The following KCNK13 variants were observed in gnomAD, a reference collection of about 807,000 sequenced individuals.
KCNK13 encodes potassium channel subfamily K member 13.
In KCNK13, 12 loss-of-function variants were observed where a neutral mutation model predicts 23.4. The observed-to-expected ratio is 0.51, with a 90% CI of 0.33 to 0.83. KCNK13 has a LOEUF of 0.83. KCNK13 is among the 40% of genes least tolerant of loss of function. The pLI is 0.02. For missense variants in KCNK13, 463 were observed against 556.3 expected (o/e 0.83, Z 1.69); for synonymous variants, 231 against 229.5 (o/e 1.01, Z -0.06).
chr14:90,133,741 T>C (rs908185245), intron 1 of KCNK13, among the ~76,000 whole-genome samples: 7 of 152,148 alleles, frequency 4.6e-5, no homozygotes, highest in African/African-American at 1.7e-4. Flanking sequence ...TGAGAAACTC[T>C]TCCTGCTCCT....
intron 1 of KCNK13, among the ~76,000 whole-genome samples, chr14:90,114,819 G>A (rs1399771933): frequency 6.6e-6 from 1 of 152,210 alleles, no homozygotes; most frequent in Non-Finnish European, 1.5e-5. Context: ...GGCAGTGGCT[G>A]TCCTGAGGCA....
chr14:90,156,950 G>C (rs564672196), intron 1 of KCNK13, among the ~76,000 whole-genome samples: 1 of 152,158 alleles, frequency 6.6e-6, no homozygotes, highest in Non-Finnish European at 1.5e-5. Context: ...TTCTCGTGTT[G>C]CATAAATGCA....
intron 1 of KCNK13, among the ~76,000 whole-genome samples, chr14:90,178,843 A>G (rs536687833): frequency 6.6e-6 from 1 of 152,146 alleles, no homozygotes; most frequent in East Asian, 1.9e-4. Flanking sequence ...AAGTATTTCT[A>G]GAAAAAAAAA....
intron 1 of KCNK13, among the ~76,000 whole-genome samples, chr14:90,157,702 C>CTTTTCTTTT (rs1890209579): frequency 1.0e-5 from 1 of 100,348 alleles, no homozygotes; most frequent in African/African-American, 4.0e-5. Context: ...CTTGGCTTTC[C>CTTTTCTTTT]TTTTTTTTTT....
At position 90,110,383 on chromosome 14, in the gene KCNK13, G is replaced by A. The variant is rs8020883; in HGVS notation, c.334+47844G>A. On this transcript the variant is annotated intron_variant, in intron 1 of 1. Coordinates refer to ENST00000282146, the MANE Select transcript of KCNK13 (RefSeq NM_022054.4). ...AAAAATTAGCAAGACGTGGTGGCAG[G>A]CACCTGTAATCCCAGCTACTCGGGA... is the stretch of plus-strand genomic sequence containing the variant. 9.1e-3 allele frequency among the ~76,000 whole-genome samples: 1,378 copies of A among 151,828 alleles called. 14 individuals carry two copies. Among genetic ancestry groups the A allele is most frequent in the Middle Eastern group, 0.041 (12 of 294 alleles).
intron 1 of KCNK13, among the ~76,000 whole-genome samples, chr14:90,141,799 G>GGGC (rs1162765735): frequency 6.7e-6 from 1 of 148,770 alleles, no homozygotes; most frequent in Non-Finnish European, 1.5e-5. Flanking sequence ...TTTTTTGGGG[G>GGGC]GGGGGACGGA....
rs57193006 is a variant in KCNK13 at position 90,143,184 on chromosome 14, TC to T, written c.335-40926del. Among the ~76,000 whole-genome samples, 308 of 42,156 alleles carry T rather than the reference TC, an allele frequency of 7.3e-3. 5 individuals are homozygous for T. Among genetic ancestry groups the T allele is most frequent in the East Asian group, 0.071 (44 of 618 alleles). 27.7% of individuals were successfully genotyped at this position (42,156 alleles called of 152,430 possible). A position where few individuals can be genotyped will look rare whatever the true frequency, so the allele number is the denominator to read the frequency against. On this transcript the variant is annotated intron_variant, in intron 1 of 1. Transcript: ENST00000282146. ...CTTTCTTTCTTTCTTTCTTTTCTTT[TC>T]TTTTCTTTCTTTCTTTTCTTTCTTT...
intron 1 of KCNK13, among the ~76,000 whole-genome samples, chr14:90,088,983 A>G (rs757729720): frequency 8.5e-5 from 13 of 152,186 alleles, no homozygotes; most frequent in Non-Finnish European, 1.3e-4. Context: ...GTGGAACGTA[A>G]GTCCATTAAA....
At chr14:90,130,655 A>G (rs768690798) in intron 1 of KCNK13, among the ~76,000 whole-genome samples, 2 of 151,966 alleles carry the variant, frequency 1.3e-5, no homozygotes, top group Non-Finnish European at 2.9e-5. Flanking sequence ...TCTACTAACA[A>G]TACAAAAAAT....
Position 90,150,159 on chromosome 14 carries a change from G to A in KCNK13, c.335-33952G>A, listed in dbSNP as rs144218736. Among the ~76,000 whole-genome samples the A allele has an allele frequency of 3.8e-3, 583 of 152,296 alleles. 13 individuals are homozygous for A. The highest frequency in any genetic ancestry group is 0.032 in the Admixed American group (485 of 15,298). The stretch of plus-strand genomic sequence containing the variant: ...TGAAGTACGCTGTAGAAATTTCCCA[G>A]CCAAAGAAGGGAGTGGAAAACTGAA... On this transcript the variant is annotated intron_variant, in intron 1 of 1. Transcript: ENST00000282146.
intron 1 of KCNK13, among the ~76,000 whole-genome samples, chr14:90,157,702 C>CTTTTTTTTT (rs34114368): frequency 0.26 from 25,698 of 99,014 alleles, 4,427 homozygotes; most frequent in East Asian, 0.59. Flanking sequence ...CTTGGCTTTC[C>CTTTTTTTTT]TTTTTTTTTT....
At chr14:90,139,370 CA>C (rs1286234984) in intron 1 of KCNK13, among the ~76,000 whole-genome samples, 2 of 151,980 alleles carry the variant, frequency 1.3e-5, no homozygotes, top group African/African-American at 4.8e-5. Flanking sequence ...GAGAGAATAG[CA>C]GATGCAAAGG....
intron 1 of KCNK13, among the ~76,000 whole-genome samples, chr14:90,168,914 C>A (rs1203123304): frequency 6.6e-6 from 1 of 152,176 alleles, no homozygotes; most frequent in Non-Finnish European, 1.5e-5. Flanking sequence ...GAGTAAGTCT[C>A]ATGAGATCTG....
chr14:90,063,611 C>T (rs1488287846), intron 1 of KCNK13, among the ~76,000 whole-genome samples: 2 of 152,076 alleles, frequency 1.3e-5, no homozygotes, highest in Non-Finnish European at 2.9e-5. Context: ...TGCAAACAGC[C>T]CAGGGTGCAT....
intron 1 of KCNK13, among the ~76,000 whole-genome samples, chr14:90,161,498 G>A (rs985748217): frequency 1.3e-5 from 2 of 152,178 alleles, no homozygotes; most frequent in Non-Finnish European, 2.9e-5. Context: ...CCAAAAATAT[G>A]TATGGTGGGA....
intron 1 of KCNK13, among the ~76,000 whole-genome samples, chr14:90,182,318 C>G (rs1274142897): frequency 6.6e-6 from 1 of 152,130 alleles, no homozygotes; most frequent in African/African-American, 2.4e-5. Flanking sequence ...CTTGAGCAGA[C>G]CAGCAGGTCA....
At chr14:90,106,905 A>G (rs188348128) in intron 1 of KCNK13, among the ~76,000 whole-genome samples, 2 of 152,018 alleles carry the variant, frequency 1.3e-5, no homozygotes, top group Non-Finnish European at 2.9e-5. Flanking sequence ...GCCTAGTCCA[A>G]GCTACTCCAG....
chr14:90,162,902 T>C (rs537874350), intron 1 of KCNK13, among the ~76,000 whole-genome samples: 1 of 152,282 alleles, frequency 6.6e-6, no homozygotes, highest in African/African-American at 2.4e-5. Context: ...CTTAAAAATA[T>C]GTAAAGAGCT....
chr14:90,134,401 C>T (rs79583777), intron 1 of KCNK13, among the ~76,000 whole-genome samples: 1 of 152,296 alleles, frequency 6.6e-6, no homozygotes, highest in East Asian at 1.9e-4. Flanking sequence ...GACTGTCTTT[C>T]TTCCTGTTGT....
Sources: gnomAD v4.1 joint callset for allele counts (sites outside exome capture counted in the v4.1 genomes callset) on GRCh38, gnomAD v4.1.1 for gene constraint, MANE v1.5 for transcripts, NCBI Gene and HGNC (gene_info 2026-07-23, HGNC 2026-07-21) for gene names.